Variants in MACROD2 observed in about 807,000 individuals in gnomAD.
The protein encoded by MACROD2 is ADP-ribose glycohydrolase MACROD2.
MACROD2 carries 36 observed loss-of-function variants against 70.4 expected under a neutral mutation model. That is an observed-to-expected ratio of 0.51 (90% CI 0.39 to 0.68). MACROD2 has a LOEUF of 0.68. MACROD2 is among the 30% of genes least tolerant of loss of function. The pLI, the probability that MACROD2 is intolerant of heterozygous loss-of-function variation, is 0.00. For synonymous variants in MACROD2, 172 were observed against 178.8 expected (o/e 0.96, Z 0.30); for missense variants, 496 against 538.4 (o/e 0.92, Z 0.78).
chr20:14,487,101 G>C (rs1467363091), intron 3 of MACROD2, among the ~76,000 whole-genome samples: 1 of 152,182 alleles, frequency 6.6e-6, no homozygotes, highest in Non-Finnish European at 1.5e-5. Flanking sequence ...CATGGCCCCA[G>C]ACCCACAAAA....
intron 6 of MACROD2, among the ~76,000 whole-genome samples, chr20:15,293,907 C>T (rs2077562925): frequency 6.6e-6 from 1 of 152,080 alleles, no homozygotes; most frequent in African/African-American, 2.4e-5. Context: ...CACCTGAGGT[C>T]AGGAGTTCAA....
At chr20:14,821,116 C>T (rs1235412219) in intron 5 of MACROD2, among the ~76,000 whole-genome samples, 2 of 152,010 alleles carry the variant, frequency 1.3e-5, no homozygotes, top group Non-Finnish European at 2.9e-5. Flanking sequence ...AAATAGATGC[C>T]TTTCATATGA....
intron 10 of MACROD2, among the ~76,000 whole-genome samples, chr20:15,909,558 C>T (rs868832099): frequency 6.1e-4 from 67 of 109,642 alleles, no homozygotes; most frequent in African/African-American, 2.1e-3. Context: ...GAGTCTCTCT[C>T]TGTCGCCCAG....
chr20:15,370,260 A>G (rs2045473323), intron 6 of MACROD2, among the ~76,000 whole-genome samples: 1 of 152,064 alleles, frequency 6.6e-6, no homozygotes, highest in African/African-American at 2.4e-5. Context: ...TGCTTATTGT[A>G]TACTCTTTAG....
At chr20:14,841,290 T>C (rs765464646) in intron 5 of MACROD2, among the ~76,000 whole-genome samples, 1 of 151,964 alleles carries the variant, frequency 6.6e-6, no homozygotes, top group Non-Finnish European at 1.5e-5. Context: ...AAATCAGAGG[T>C]TTTGATTGAA....
At chr20:13,996,103 G>A (rs948874879) in intron 1 of MACROD2, among the ~76,000 whole-genome samples, 1 of 152,054 alleles carries the variant, frequency 6.6e-6, no homozygotes, top group Non-Finnish European at 1.5e-5. Flanking sequence ...CGCCTCGCTT[G>A]CGGCGGGGAC....
chr20:14,181,291 C>T lies in MACROD2; in HGVS notation c.271+95563C>T, dbSNP rs2081303097. On this transcript the variant is annotated intron_variant, in intron 3 of 17. Coordinates refer to ENST00000684519, the MANE Select transcript of MACROD2 (RefSeq NM_001351661.2). ...TTATGTTGCCCAGGCTGGTCTCAAACTCCTGGGCTCAAGCATTCCTTCCGC... is the reference window on the plus strand; with the variant it reads ...TTATGTTGCCCAGGCTGGTCTCAAATTCCTGGGCTCAAGCATTCCTTCCGC... Among the ~76,000 whole-genome samples, 2 of 151,890 alleles carry T rather than the reference C, an allele frequency of 1.3e-5. 1 individual carries two copies. Among genetic ancestry groups the T allele is most frequent in the South Asian group, 4.2e-4 (2 of 4,806 alleles).
intron 6 of MACROD2, among the ~76,000 whole-genome samples, chr20:15,236,296 A>G (rs2077013388): frequency 6.6e-6 from 1 of 152,146 alleles, no homozygotes; most frequent in Admixed American, 6.5e-5. Flanking sequence ...CAGGCAGCAG[A>G]GTCGAGGAGG....
intron 5 of MACROD2, among the ~76,000 whole-genome samples, chr20:14,874,629 A>G (rs371068084): frequency 1.3e-5 from 2 of 151,870 alleles, no homozygotes; most frequent in Admixed American, 6.6e-5. Context: ...GGCACAGAAC[A>G]AGGAATTTGC....
intron 5 of MACROD2, among the ~76,000 whole-genome samples, chr20:15,151,313 G>GAGCTTGCCACATTGGATAGATTTTTA (rs2076268154): frequency 6.6e-6 from 1 of 152,086 alleles, no homozygotes; most frequent in African/African-American, 2.4e-5. Flanking sequence ...GGGGGAGGAG[G>GAGCTTGCCACATTGGATAGATTTTTA]TTCTGGAGGA....
intron 5 of MACROD2, among the ~76,000 whole-genome samples, chr20:14,891,421 G>T (rs978585250): frequency 2.6e-5 from 4 of 152,144 alleles, no homozygotes; most frequent in Non-Finnish European, 5.9e-5. Flanking sequence ...TCTTCTCAAA[G>T]TACATCCAGG....
intron 3 of MACROD2, among the ~76,000 whole-genome samples, chr20:14,454,749 CTTTTTTTTTTTT>C (rs11087091): frequency 1.2e-5 from 1 of 80,646 alleles, no homozygotes; most frequent in African/African-American, 5.4e-5. Flanking sequence ...TCTCTACACT[CTTTTTTTTTTTT>C]TTTTTTTTTG....
At chr20:14,992,252 G>A (rs2074910893) in intron 5 of MACROD2, among the ~76,000 whole-genome samples, 2 of 152,140 alleles carry the variant, frequency 1.3e-5, no homozygotes, top group Non-Finnish European at 2.9e-5. Context: ...AAAGAATGCA[G>A]CATTGCATCA....
intron 15 of MACROD2, among the ~76,000 whole-genome samples, chr20:15,990,769 C>T (rs2066547445): frequency 6.6e-6 from 1 of 152,190 alleles, no homozygotes; most frequent in Non-Finnish European, 1.5e-5. Flanking sequence ...TACAGACAGC[C>T]ATGGCTTCTA....
intron 5 of MACROD2, among the ~76,000 whole-genome samples, chr20:14,815,772 TTTTTTA>T (rs1422954790): frequency 6.6e-6 from 1 of 152,006 alleles, no homozygotes; most frequent in African/African-American, 2.4e-5. Context: ...ACATTTTTTG[TTTTTTA>T]TTTTTATTTT....
intron 8 of MACROD2, among the ~76,000 whole-genome samples, chr20:15,795,542 G>A (rs957466258): frequency 1.3e-5 from 2 of 152,144 alleles, no homozygotes; most frequent in Admixed American, 1.3e-4. Context: ...ATGCCAGCCG[G>A]GAATCATTTA....
rs1047375340 is a variant in MACROD2 at position 14,633,506 on chromosome 20, A to G, written c.302-51337A>G. On this transcript the variant is annotated intron_variant, in intron 4 of 17. Transcript: ENST00000684519. ...TATTTCTCCAACTGGTGTTGCATGT[A>G]AAGTTACCTGCTATATATTGCCACC... is the stretch of plus-strand genomic sequence containing the variant. 2.0e-5 allele frequency among the ~76,000 whole-genome samples: 3 copies of G among 152,334 alleles called. No homozygotes were observed. In the South Asian group the frequency reaches 6.2e-4, roughly 32 times the overall value.
chr20:15,701,363 T>C (rs1021155708), intron 8 of MACROD2, among the ~76,000 whole-genome samples: 20 of 152,314 alleles, frequency 1.3e-4, no homozygotes, highest in African/African-American at 4.8e-4. Context: ...GCACTAAAAA[T>C]TTAGTGAGAT....
At chr20:14,096,364 C>CTTTTTT (rs71335950) in intron 3 of MACROD2, among the ~76,000 whole-genome samples, 1 of 118,116 alleles carries the variant, frequency 8.5e-6, no homozygotes, top group African/African-American at 3.4e-5. Flanking sequence ...GTTATTTTAC[C>CTTTTTT]TTTTTTTTTT....
Sources: gnomAD v4.1 joint callset for allele counts (sites outside exome capture counted in the v4.1 genomes callset) on GRCh38, gnomAD v4.1.1 for gene constraint, MANE v1.5 for transcripts, NCBI Gene and HGNC (gene_info 2026-07-23, HGNC 2026-07-21) for gene names.